Variants in MRPL20 observed in about 807,000 individuals in gnomAD.
MRPL20 encodes the protein mitochondrial ribosomal protein L20.
In MRPL20, 21 loss-of-function variants were observed where a neutral mutation model predicts 20.0. The ratio of observed to expected loss-of-function variants is 1.05; its 90% CI spans 0.74 to 1.51. MRPL20 has a LOEUF of 1.51. MRPL20 is among the 40% of genes most tolerant of loss of function. The pLI is 0.00. For synonymous variants in MRPL20, 104 were observed against 73.0 expected, an observed-to-expected ratio of 1.43 and a Z score of -2.17; for missense variants, 252 against 185.6, an observed-to-expected ratio of 1.36 and a Z score of -2.08.
chr1:1,405,858 C>A lies in MRPL20; in HGVS notation c.227G>T (p.Ser76Ile). The A allele has an allele frequency of 6.2e-7, 1 of 1,613,808 alleles. No homozygotes were observed. The highest frequency in any genetic ancestry group is 8.5e-7 in the Non-Finnish European group (1 of 1,179,746). Residue 76 changes from serine (S) to isoleucine (I), a missense_variant, in exon 3 of 4, where the codon AGC (serine) becomes ATC (isoleucine). Coordinates refer to ENST00000344843, the MANE Select transcript of MRPL20 (RefSeq NM_017971.4). ...TGGATACTTCAGTCCATGTTCCTGGCTAGCAGCTGTAATTCGATTAATCCA... is the reference window on the plus strand; with the variant it reads ...TGGATACTTCAGTCCATGTTCCTGGATAGCAGCTGTAATTCGATTAATCCA... ...TLWINRITAA[S>I]QEHGLKYPAL... is the part of the protein sequence containing the mutation.
At chr1:1,402,740 T>C in intron 3 of MRPL20, 1 of 646,532 alleles carries the variant, frequency 1.5e-6, no homozygotes. Context: ...CCCAGCACTT[T>C]GGGAGGCCAA....
At position 1,403,862 on chromosome 1, in the gene MRPL20, GACACAGTCAC is replaced by G. The variant is rs201134002; in HGVS notation, c.277-1616_277-1607del. 7.8e-3 allele frequency among the ~76,000 whole-genome samples: 1,182 copies of G among 152,076 alleles called. 14 individuals are homozygous for G. Among genetic ancestry groups the G allele is most frequent in the African/African-American group, 0.026 (1,080 of 41,456 alleles). On this transcript the variant is annotated intron_variant, in intron 3 of 3. Transcript: ENST00000344843. ...TATTAAAACTTTTTGTTGTTGTTGA[GACACAGTCAC>G]ACACTGTCGCCCACGCTGGAGTACA...
rs565311521 is a variant in MRPL20 at position 1,406,285 on chromosome 1, G to A, written c.199-399C>T. The stretch of plus-strand genomic sequence containing the variant: ...AAAATCGCTTGAACCCGGGAGACGA[G>A]GTTGCATTAAGCCTAGATCGCGCCA... On this transcript the variant is annotated intron_variant, in intron 2 of 3. Transcript: ENST00000344843. 5.5e-5 allele frequency: 11 copies of A among 198,876 alleles called. No individual in the cohort carries two copies. The Admixed American group carries it at 6.0e-4, about 11-fold the overall frequency. The allele number at this position is 198,876 out of a possible 1,614,324, so 12.3% of individuals were successfully genotyped here. A position where few individuals can be genotyped will look rare whatever the true frequency, so the allele number is the denominator to read the frequency against.
In MRPL20 at chr1:1,402,140, G is replaced by A. The variant is rs1236706512; in HGVS notation, c.393C>T (p.Ala131=). Residue 131 remains alanine, a synonymous_variant, in exon 4 of 4, where the codon GCC becomes GCT. Transcript: ENST00000344843. ...SRRRHEGFAA[A]LGDGKEPEGI... ...CTTCAGGTTCCTTCCCATCCCCCAA[G>A]GCAGCAGCAAATCCTTCGTGTCGCC... is the stretch of plus-strand genomic sequence containing the variant. The A allele has an allele frequency of 2.5e-6, 4 of 1,614,130 alleles. No homozygotes were observed. In the South Asian group the frequency reaches 4.4e-5, roughly 18 times the overall value.
At chr1:1,406,810 C>A in intron 2 of MRPL20, 99 bp downstream of exon 2, 6 of 1,008,800 alleles carry the variant, frequency 5.9e-6, no homozygotes, top group Non-Finnish European at 7.9e-6. Flanking sequence ...AAGGAAGGGG[C>A]TGAGGGTGGC....
intron 3 of MRPL20, among the ~76,000 whole-genome samples, chr1:1,403,532 G>A (rs556996369): frequency 4.8e-4 from 73 of 152,182 alleles, no homozygotes; most frequent in African/African-American, 1.7e-3. Flanking sequence ...GTGAGCCACC[G>A]TGCCCGGCCA....
chr1:1,406,866 C>A (rs990777253), intron 2 of MRPL20, 43 bp downstream of exon 2: 1 of 1,550,228 alleles, frequency 6.5e-7, no homozygotes, highest in South Asian at 1.1e-5. Flanking sequence ...AACGCAGGGG[C>A]CGCGAGTGCG....
chr1:1,405,758 G>A, intron 3 of MRPL20, 51 bp downstream of exon 3: 1 of 1,614,022 alleles, frequency 6.2e-7, no homozygotes, highest in Non-Finnish European at 8.5e-7. Flanking sequence ...CCCGCATGAT[G>A]GTTTCTGCAG....
chr1:1,406,503 C>T (rs1000584590), intron 2 of MRPL20: 5 of 217,964 alleles, frequency 2.3e-5, no homozygotes, highest in African/African-American at 1.2e-4. Flanking sequence ...AGCTTGGCAG[C>T]AGGCGTGGTC....
At position 1,407,198 on chromosome 1, in the gene MRPL20, T is replaced by G. The variant is rs1570072980; in HGVS notation, c.20A>C (p.Gln7Pro). MVFLTA[Q>P]LWLRNRVTDR... Reference sequence around the variant, plus strand: ...GGTGACGCGATTCCGCAGCCAGAGCTGCGCGGTGAGGAAGACCATGGCGCC... The same window carrying G: ...GGTGACGCGATTCCGCAGCCAGAGCGGCGCGGTGAGGAAGACCATGGCGCC... The change falls in exon 1 of 4, where the codon CAG (glutamine) becomes CCG (proline). Residue 7 changes from glutamine to proline, a missense_variant. Coordinates refer to ENST00000344843, the MANE Select transcript of MRPL20 (RefSeq NM_017971.4). The G allele has an allele frequency of 1.9e-6, 3 of 1,605,300 alleles. No homozygotes were observed.
chr1:1,402,529 A>G, intron 3 of MRPL20: 2 of 1,201,312 alleles, frequency 1.7e-6, no homozygotes, highest in Non-Finnish European at 2.1e-6. Context: ...CACCTTGTTC[A>G]GGGTCCTTGG....
chr1:1,407,048 G>A (rs1645391844), intron 1 of MRPL20, 29 bp from the exon 2 acceptor site: 1 of 1,611,104 alleles, frequency 6.2e-7, no homozygotes, highest in Non-Finnish European at 8.5e-7. Context: ...AACCAGGGTT[G>A]TCAGCGGGGC....
intron 3 of MRPL20, 95 bp downstream of exon 3, chr1:1,405,714 T>C (rs761826159): frequency 6.2e-7 from 1 of 1,605,766 alleles, no homozygotes; most frequent in South Asian, 1.1e-5. Flanking sequence ...CTCAGCCTCC[T>C]GATTAGCTGG....
chr1:1,406,248 G>A (rs1645382840), intron 2 of MRPL20: 1 of 209,598 alleles, frequency 4.8e-6, no homozygotes, highest in Non-Finnish European at 9.8e-6. Flanking sequence ...TTACTCGGGA[G>A]ACTGGGGCGG....
intron 3 of MRPL20, among the ~76,000 whole-genome samples, chr1:1,402,932 T>G (rs1018923144): frequency 1.3e-5 from 2 of 151,942 alleles, no homozygotes; most frequent in African/African-American, 4.8e-5. Context: ...ATCAAGACCA[T>G]CCTGGCTAAC....
At chr1:1,402,597 A>T in intron 3 of MRPL20, 1 of 1,041,196 alleles carries the variant, frequency 9.6e-7, no homozygotes. Context: ...CCAACCTGGA[A>T]GTGCCTGCAA....
At chr1:1,406,842 G>C in intron 2 of MRPL20, 67 bp downstream of exon 2, 1 of 1,387,756 alleles carries the variant, frequency 7.2e-7, no homozygotes, top group Admixed American at 1.7e-5. Context: ...ACACTAGCTG[G>C]GTCGCGGCGC....
rs555743769 is a variant in MRPL20, at chr1:1,401,923, G to C, written c.*160C>G. On this transcript the variant is annotated 3_prime_UTR_variant, in exon 4 of 4. Coordinates refer to ENST00000344843, the MANE Select transcript of MRPL20 (RefSeq NM_017971.4). ...ACTCTAAAAACTGAAGAGTGTTTGA[G>C]TTTCATTCACACAAAACATGGACAT... is the stretch of plus-strand genomic sequence containing the variant. The C allele has an allele frequency of 1.2e-6, 1 of 858,010 alleles. No homozygotes were observed. Among genetic ancestry groups the C allele is most frequent in the Admixed American group, 2.8e-5 (1 of 35,610 alleles). 53.1% of individuals were successfully genotyped at this position (858,010 alleles called of 1,614,324 possible).
intron 3 of MRPL20, chr1:1,405,575 A>G (rs1332118826): frequency 7.1e-6 from 5 of 708,180 alleles, no homozygotes; most frequent in Non-Finnish European, 1.2e-5. Context: ...GGGCTGGTTC[A>G]CCCCTCCTTA....
Sources: allele counts gnomAD v4.1 joint callset (sites outside exome capture counted in the v4.1 genomes callset), GRCh38; gene constraint gnomAD v4.1.1; transcripts MANE v1.5; gene names NCBI Gene and HGNC (gene_info 2026-07-23, HGNC 2026-07-21).